Variants in LRFN2 observed in about 807,000 individuals in gnomAD.
LRFN2 encodes the protein leucine-rich repeat and fibronectin type-III domain-containing protein 2.
In LRFN2, 18 loss-of-function variants were observed where a neutral mutation model predicts 37.3. The observed-to-expected ratio is 0.48, with a 90% CI of 0.33 to 0.72. The LOEUF is 0.72. Ranked by LOEUF, LRFN2 falls within the 30% of genes least tolerant of loss-of-function variation. LRFN2 has a pLI of 0.02. For missense variants in LRFN2, 1,006 were observed against 1,060.7 expected (o/e 0.95, Z 0.72); for synonymous variants, 556 against 466.6 (o/e 1.19, Z -2.47).
At chr6:40,487,851 T>A (rs1253347015) in intron 1 of LRFN2, among the ~76,000 whole-genome samples, 1 of 152,178 alleles carries the variant, frequency 6.6e-6, no homozygotes, top group African/African-American at 2.4e-5. Context: ...AATCCTACTT[T>A]TTCTCTGCAT....
intron 1 of LRFN2, among the ~76,000 whole-genome samples, chr6:40,452,626 G>C (rs1189085679): frequency 2.0e-5 from 3 of 152,214 alleles, no homozygotes; most frequent in African/African-American, 7.2e-5. Context: ...GTTTCACCAA[G>C]TCCAGAAAAA....
At chr6:40,402,508 C>A (rs985170842) in intron 2 of LRFN2, among the ~76,000 whole-genome samples, 9 of 152,196 alleles carry the variant, frequency 5.9e-5, no homozygotes, top group Admixed American at 2.0e-4. Flanking sequence ...TTATTGAGCA[C>A]TTACTATGTG....
chr6:40,406,714 C>A (rs1055589891), intron 2 of LRFN2, among the ~76,000 whole-genome samples: 3 of 152,356 alleles, frequency 2.0e-5, no homozygotes, highest in East Asian at 1.9e-4. Flanking sequence ...CCAATGCAAC[C>A]CCACAGCTGC....
chr6:40,536,763 G>A (rs904469605), intron 1 of LRFN2, among the ~76,000 whole-genome samples: 1 of 152,128 alleles, frequency 6.6e-6, no homozygotes, highest in Non-Finnish European at 1.5e-5. Context: ...CCAGACAGAG[G>A]GCAGCTCAGA....
chr6:40,547,918 C>A (rs145478323), intron 1 of LRFN2, among the ~76,000 whole-genome samples: 1 of 152,152 alleles, frequency 6.6e-6, no homozygotes, highest in African/African-American at 2.4e-5. Context: ...CATCCCCACA[C>A]CTTTGTAAAT....
chr6:40,546,462 G>T (rs1267188023), intron 1 of LRFN2, among the ~76,000 whole-genome samples: 1 of 152,210 alleles, frequency 6.6e-6, no homozygotes, highest in African/African-American at 2.4e-5. Flanking sequence ...GGGCAAAGGT[G>T]AGTAGCTGGG....
At chr6:40,521,378 G>A (rs1414990000) in intron 1 of LRFN2, among the ~76,000 whole-genome samples, 1 of 152,200 alleles carries the variant, frequency 6.6e-6, no homozygotes, top group Non-Finnish European at 1.5e-5. Context: ...GGGGCTGGAG[G>A]AGCCAGAGAG....
chr6:40,404,790 T>C (rs1349265326), intron 2 of LRFN2, among the ~76,000 whole-genome samples: 1 of 152,244 alleles, frequency 6.6e-6, no homozygotes, highest in Non-Finnish European at 1.5e-5. Flanking sequence ...GGCTTTGATC[T>C]AGACCTCTGA....
At position 40,392,443 on chromosome 6, in the gene LRFN2, AG is replaced by A. The variant is rs1378043148; in HGVS notation, c.1869del (p.Ser624ProfsTer33). The A allele has an allele frequency of 6.4e-7, 1 of 1,567,110 alleles. No individual in the cohort carries two copies. The highest frequency in any genetic ancestry group is 1.4e-5 in the African/African-American group (1 of 73,674). On this transcript the variant is annotated frameshift_variant, in exon 3 of 3. Transcript: ENST00000338305. LOFTEE classifies it high-confidence loss of function. The surrounding 1 kb of genome is among the most constrained non-coding windows in gnomAD (Gnocchi z 4.7). ...GCCTCCCCACTGCCCAGGGAGCTGG[AG>A]GAAGAGGAGTCACTGGCGCGGGCCA... is the stretch of plus-strand genomic sequence containing the variant. ...ASLARASDSS[S>X]SSSLGSGEAA... is the part of the protein sequence containing the mutation.
chr6:40,540,187 G>C (rs73732705), intron 1 of LRFN2, among the ~76,000 whole-genome samples: 2,981 of 152,274 alleles, frequency 0.02, 113 homozygotes, highest in African/African-American at 0.067. Context: ...CAGTGTCCTT[G>C]TCAGGTGCGT....
chr6:40,526,694 G>C (rs1766260776), intron 1 of LRFN2, among the ~76,000 whole-genome samples: 1 of 152,136 alleles, frequency 6.6e-6, no homozygotes, highest in African/African-American at 2.4e-5. Context: ...GCTTCCTTTT[G>C]GATGTGGCCA....
At chr6:40,448,101 C>T (rs547177210) in intron 1 of LRFN2, among the ~76,000 whole-genome samples, 26 of 152,254 alleles carry the variant, frequency 1.7e-4, no homozygotes, top group Admixed American at 9.8e-4. Flanking sequence ...AGACCGGGAG[C>T]GTGGGTCCTC....
At chr6:40,435,040 TATATATATATATAGAGAGAGAGAG>T (rs1270733311) in intron 1 of LRFN2, among the ~76,000 whole-genome samples, 13 of 93,712 alleles carry the variant, frequency 1.4e-4, no homozygotes, top group African/African-American at 6.1e-4. Flanking sequence ...TATATATATA[TATATATATATATAGAGAGAGAGAG>T]AGAGAGAGAG....
At position 40,432,753 on chromosome 6, in the gene LRFN2, G is replaced by A. The variant is rs761701287; in HGVS notation, c.361C>T (p.Arg121Trp). The A allele has an allele frequency of 3.7e-6, 6 of 1,614,182 alleles. No homozygotes were observed. Among genetic ancestry groups the A allele is most frequent in the South Asian group, 1.1e-5 (1 of 91,082 alleles). Residue 121 changes from arginine (R) to tryptophan (W), a missense_variant, in exon 2 of 3, where the codon CGG becomes TGG. Transcript: ENST00000338305. ...AGGTGCTGCAGGTTGACCAGGCCCC[G>A]GAGGGTGTCCTCCCCAAGGCTTGGC... ...RLPSLGEDTL[R>W]GLVNLQHLIV...
intron 1 of LRFN2, among the ~76,000 whole-genome samples, chr6:40,466,213 A>G (rs1330256584): frequency 6.6e-6 from 1 of 152,164 alleles, no homozygotes; most frequent in Non-Finnish European, 1.5e-5. Flanking sequence ...TGGATACTTT[A>G]TGACCTTAAG....
chr6:40,428,613 C>A (rs373878887), intron 2 of LRFN2, among the ~76,000 whole-genome samples: 1 of 152,164 alleles, frequency 6.6e-6, no homozygotes, highest in South Asian at 2.1e-4. Flanking sequence ...AGCCAGAGGC[C>A]GGAGTTCAAA....
chr6:40,405,651 G>A (rs573663533), intron 2 of LRFN2, among the ~76,000 whole-genome samples: 25 of 152,178 alleles, frequency 1.6e-4, no homozygotes, highest in Non-Finnish European at 3.1e-4. Context: ...GGAGACTCGG[G>A]CAGTGCCTGA....
At position 40,564,690 on chromosome 6, in the gene LRFN2, T is replaced by C. The variant is rs569888975; in HGVS notation, c.-19+22251A>G. 2.6e-5 allele frequency among the ~76,000 whole-genome samples: 4 copies of C among 152,346 alleles called. No homozygotes were observed. The South Asian group carries it at 6.2e-4, about 24-fold the overall frequency. On this transcript the variant is annotated intron_variant, in intron 1 of 2. Coordinates refer to ENST00000338305, the MANE Select transcript of LRFN2 (RefSeq NM_020737.3). ...GTTTTCCACAATGTAATTAGAGTGATCTTTTCAAAATGTAAATCTGGGTTC... is the reference window on the plus strand; with the variant it reads ...GTTTTCCACAATGTAATTAGAGTGACCTTTTCAAAATGTAAATCTGGGTTC...
intron 1 of LRFN2, among the ~76,000 whole-genome samples, chr6:40,480,753 A>G (rs1764809258): frequency 1.3e-5 from 2 of 152,060 alleles, no homozygotes; most frequent in Non-Finnish European, 2.9e-5. Flanking sequence ...GCCTGCAGGG[A>G]GGGTTGTGAT....
Sources: allele counts gnomAD v4.1 joint callset (sites outside exome capture counted in the v4.1 genomes callset), GRCh38; gene constraint gnomAD v4.1.1; non-coding constraint Gnocchi (gnomAD v3.1); transcripts MANE v1.5; gene names NCBI Gene and HGNC (gene_info 2026-07-23, HGNC 2026-07-21).